GALNT17: variants seen among roughly 807,000 people sequenced by gnomAD.
GALNT17 encodes the protein polypeptide N-acetylgalactosaminyltransferase 17, also known as UDP-GalNAc:polypeptide N-acetylgalactosaminyltransferase-like 3.
A neutral mutation model predicts 63.7 loss-of-function variants in GALNT17; 29 were observed. The observed-to-expected ratio is 0.46, with a 90% confidence interval of 0.34 to 0.62. GALNT17 has a LOEUF of 0.62. GALNT17 is among the 20% of genes least tolerant of loss of function. The pLI is 0.01. For synonymous variants in GALNT17, 305 were observed against 318.3 expected (o/e 0.96, Z 0.45); for missense variants, 603 against 799.6 (o/e 0.75, Z 2.97).
At chr7:71,554,479 G>A (rs1789130275) in intron 5 of GALNT17, among the ~76,000 whole-genome samples, 2 of 152,128 alleles carry the variant, frequency 1.3e-5, no homozygotes, top group African/African-American at 4.8e-5. Flanking sequence ...ATCTGTATTA[G>A]CAGTGTGAGA....
chr7:71,580,053 G>A (rs1789607960), intron 6 of GALNT17, among the ~76,000 whole-genome samples: 1 of 149,628 alleles, frequency 6.7e-6, no homozygotes, highest in African/African-American at 2.5e-5. Context: ...TAGAGATGAT[G>A]GATAGAATGA....
At chr7:71,445,520 A>G (rs1787146697) in intron 5 of GALNT17, among the ~76,000 whole-genome samples, 1 of 150,898 alleles carries the variant, frequency 6.6e-6, no homozygotes, top group African/African-American at 2.4e-5. Context: ...CAACATGGTC[A>G]TGAGGAAGGT....
At chr7:71,264,268 A>G (rs1299434593) in intron 1 of GALNT17, among the ~76,000 whole-genome samples, 2 of 152,096 alleles carry the variant, frequency 1.3e-5, no homozygotes, top group Middle Eastern at 3.2e-3. Flanking sequence ...TCTTAGTTTG[A>G]CAGCTGAAGG....
At chr7:71,449,108 C>CTTTTTTTTTTT (rs59368494) in intron 5 of GALNT17, among the ~76,000 whole-genome samples, 4,251 of 72,706 alleles carry the variant, frequency 0.058, 1,072 homozygotes, top group Middle Eastern at 0.11. Context: ...TGCCTATTTT[C>CTTTTTTTTTTT]TTTTTTTTTT....
At chr7:71,556,855 T>A (rs1390372754) in intron 5 of GALNT17, among the ~76,000 whole-genome samples, 1 of 152,146 alleles carries the variant, frequency 6.6e-6, no homozygotes, top group Non-Finnish European at 1.5e-5. Context: ...CATAAGCCAC[T>A]GCGCCTGGCC....
intron 1 of GALNT17, among the ~76,000 whole-genome samples, chr7:71,232,230 A>G (rs1391774245): frequency 6.6e-6 from 1 of 152,182 alleles, no homozygotes; most frequent in Non-Finnish European, 1.5e-5. Context: ...TGAGGCCTAC[A>G]CATTTCTGTC....
At chr7:71,347,437 A>G (rs2158609) in intron 2 of GALNT17, among the ~76,000 whole-genome samples, 45,659 of 152,014 alleles carry the variant, frequency 0.3, 7,033 homozygotes, top group East Asian at 0.48. Flanking sequence ...ATACCTATAC[A>G]TTTCACACAA....
chr7:71,647,369 C>G (rs940043077), intron 6 of GALNT17, among the ~76,000 whole-genome samples: 5 of 152,030 alleles, frequency 3.3e-5, no homozygotes, highest in Non-Finnish European at 7.4e-5. Context: ...ATGCCCAGCC[C>G]AAATCTGCTA....
chr7:71,205,513 C>A (rs1290857169), intron 1 of GALNT17, among the ~76,000 whole-genome samples: 1 of 152,140 alleles, frequency 6.6e-6, no homozygotes, highest in African/African-American at 2.4e-5. Flanking sequence ...GCCTCGAACT[C>A]CTGGGCTCAA....
chr7:71,264,077 G>A (rs1163241138), intron 1 of GALNT17, among the ~76,000 whole-genome samples: 1 of 152,158 alleles, frequency 6.6e-6, no homozygotes, highest in Non-Finnish European at 1.5e-5. Flanking sequence ...TTGCAAGCCT[G>A]GAGGTGGCTC....
chr7:71,692,088 T>C (rs927489376), intron 9 of GALNT17, among the ~76,000 whole-genome samples: 13 of 152,134 alleles, frequency 8.5e-5, no homozygotes, highest in Admixed American at 6.6e-5. Flanking sequence ...TTTTTAAGTT[T>C]TTTATAGAGA....
At chr7:71,520,964 G>A (rs1199819987) in intron 5 of GALNT17, among the ~76,000 whole-genome samples, 1 of 152,118 alleles carries the variant, frequency 6.6e-6, no homozygotes, top group Non-Finnish European at 1.5e-5. Flanking sequence ...TTTGATAAGG[G>A]ATCAGTTCAG....
At chr7:71,537,150 G>A (rs962882473) in intron 5 of GALNT17, among the ~76,000 whole-genome samples, 3 of 152,118 alleles carry the variant, frequency 2.0e-5, no homozygotes, top group Non-Finnish European at 4.4e-5. Context: ...TGATCTCTCG[G>A]CTTCAGGAGC....
chr7:71,267,709 G>A (rs1257961462), intron 1 of GALNT17, among the ~76,000 whole-genome samples: 1 of 152,022 alleles, frequency 6.6e-6, no homozygotes, highest in Non-Finnish European at 1.5e-5. Context: ...ATTTTATTAA[G>A]TTCTGGGGTA....
intron 6 of GALNT17, among the ~76,000 whole-genome samples, chr7:71,610,583 A>G (rs1790111201): frequency 6.6e-6 from 1 of 152,226 alleles, no homozygotes; most frequent in African/African-American, 2.4e-5. Context: ...TGCCAGTGAC[A>G]ACAATATTTA....
chr7:71,409,469 T>G (rs1048287386), intron 3 of GALNT17, among the ~76,000 whole-genome samples: 2 of 152,208 alleles, frequency 1.3e-5, no homozygotes, highest in African/African-American at 4.8e-5. Flanking sequence ...CTTAGACAGA[T>G]TCTCCTGAAT....
chr7:71,563,730 C>T (rs1417321195), intron 5 of GALNT17, among the ~76,000 whole-genome samples: 1 of 152,010 alleles, frequency 6.6e-6, no homozygotes, highest in Non-Finnish European at 1.5e-5. Context: ...AGGCACATGC[C>T]GCCACACCTG....
intron 1 of GALNT17, among the ~76,000 whole-genome samples, chr7:71,310,094 T>A (rs1397404723): frequency 6.6e-6 from 1 of 152,230 alleles, no homozygotes; most frequent in East Asian, 1.9e-4. Flanking sequence ...CCTCCTTGCC[T>A]TCTGTCATGA....
chr7:71,373,352 G>A (rs1198357803), intron 2 of GALNT17, among the ~76,000 whole-genome samples: 1 of 152,178 alleles, frequency 6.6e-6, no homozygotes, highest in African/African-American at 2.4e-5. Flanking sequence ...TCTGCGGTGT[G>A]ACTCAGGTCA....
Sources: gnomAD v4.1 joint callset for allele counts (sites outside exome capture counted in the v4.1 genomes callset) on GRCh38, gnomAD v4.1.1 for gene constraint, MANE v1.5 for transcripts, NCBI Gene and HGNC (gene_info 2026-07-23, HGNC 2026-07-21) for gene names.